Variants in CNTNAP2 observed in about 807,000 individuals in gnomAD.
CNTNAP2 encodes contactin associated protein 2, also known as contactin-associated protein-like 2.
In CNTNAP2, 98 loss-of-function variants were observed where a neutral mutation model predicts 155.2. That is an observed-to-expected ratio of 0.63 (90% CI 0.54 to 0.75). The LOEUF (loss-of-function observed/expected upper bound fraction) is 0.75. Among genes scored for constraint, CNTNAP2 ranks in the 30% least tolerant of loss-of-function variants. The pLI is 0.00. For synonymous variants in CNTNAP2, 651 were observed against 631.2 expected, an observed-to-expected ratio of 1.03 and a Z score of -0.47; for missense variants, 1,727 against 1,688.1, an observed-to-expected ratio of 1.02 and a Z score of -0.40.
At chr7:146,913,174 C>G (rs1386686664) in intron 3 of CNTNAP2, among the ~76,000 whole-genome samples, 1 of 152,110 alleles carries the variant, frequency 6.6e-6, no homozygotes, top group East Asian at 1.9e-4. Context: ...AGCAGCGGGT[C>G]TTTTCAGAAG....
intron 15 of CNTNAP2, among the ~76,000 whole-genome samples, chr7:148,045,441 G>A (rs932734167): frequency 7.4e-5 from 11 of 147,670 alleles, no homozygotes; most frequent in East Asian, 2.0e-4. Context: ...GGTCTTGGGC[G>A]TGAGTCAGGT....
chr7:147,448,102 A>G (rs753695174), intron 10 of CNTNAP2, among the ~76,000 whole-genome samples: 2 of 152,160 alleles, frequency 1.3e-5, no homozygotes, highest in Non-Finnish European at 2.9e-5. Context: ...GAATTCAATG[A>G]CACAACTGAT....
At chr7:146,701,958 C>G (rs184913350) in intron 1 of CNTNAP2, among the ~76,000 whole-genome samples, 2 of 152,168 alleles carry the variant, frequency 1.3e-5, no homozygotes, top group East Asian at 3.9e-4. Context: ...AAGGAAGTTA[C>G]AACAATGAGG....
intron 13 of CNTNAP2, among the ~76,000 whole-genome samples, chr7:147,893,904 T>C (rs933730002): frequency 6.6e-6 from 1 of 152,122 alleles, no homozygotes; most frequent in Non-Finnish European, 1.5e-5. Flanking sequence ...TTCCAGTCCC[T>C]GGGGGAGGGG....
intron 1 of CNTNAP2, among the ~76,000 whole-genome samples, chr7:146,753,151 G>T (rs1402298041): frequency 1.3e-5 from 2 of 151,934 alleles, no homozygotes; most frequent in African/African-American, 4.8e-5. Flanking sequence ...GCATTGTTAT[G>T]CAATCTAAGA....
At chr7:148,038,837 T>TGGATGGAA (rs1802618213) in intron 15 of CNTNAP2, among the ~76,000 whole-genome samples, 2 of 151,298 alleles carry the variant, frequency 1.3e-5, no homozygotes, top group African/African-American at 4.9e-5. Flanking sequence ...GATGGATGGA[T>TGGATGGAA]GGATGGATGG....
intron 3 of CNTNAP2, among the ~76,000 whole-genome samples, chr7:146,912,032 G>A (rs1390831377): frequency 1.3e-5 from 2 of 151,748 alleles, no homozygotes; most frequent in East Asian, 3.9e-4. Flanking sequence ...ATGTGGTACA[G>A]TATACAATCC....
chr7:146,828,054 T>C (rs1803440550), intron 2 of CNTNAP2, among the ~76,000 whole-genome samples: 1 of 152,098 alleles, frequency 6.6e-6, no homozygotes, highest in Non-Finnish European at 1.5e-5. Context: ...ATAAATTGGA[T>C]TCTCAAGTAT....
At chr7:146,730,867 C>A (rs1156356568) in intron 1 of CNTNAP2, among the ~76,000 whole-genome samples, 3 of 152,294 alleles carry the variant, frequency 2.0e-5, no homozygotes, top group African/African-American at 7.2e-5. Context: ...ATGGTTACCA[C>A]ATTGATGAAT....
At chr7:146,689,192 G>T (rs895084352) in intron 1 of CNTNAP2, among the ~76,000 whole-genome samples, 12 of 151,966 alleles carry the variant, frequency 7.9e-5, no homozygotes, top group African/African-American at 2.9e-4. Context: ...GGGTAACCTT[G>T]AGTAAATTAC....
At chr7:147,627,167 G>T (rs1794995796) in intron 12 of CNTNAP2, among the ~76,000 whole-genome samples, 1 of 152,158 alleles carries the variant, frequency 6.6e-6, no homozygotes, top group Admixed American at 6.5e-5. Flanking sequence ...AATCTGAACA[G>T]CAGATGTTGA....
chr7:146,623,592 G>C (rs1011167276), intron 1 of CNTNAP2, among the ~76,000 whole-genome samples: 1 of 152,122 alleles, frequency 6.6e-6, no homozygotes, highest in Non-Finnish European at 1.5e-5. Flanking sequence ...TCTTTGCATG[G>C]CTTTTAGCTT....
At chr7:146,385,273 T>C (rs1170517290) in intron 1 of CNTNAP2, among the ~76,000 whole-genome samples, 2 of 152,170 alleles carry the variant, frequency 1.3e-5, no homozygotes, top group Non-Finnish European at 2.9e-5. Context: ...CTAAAGGGCT[T>C]GCCTAGGGAT....
intron 10 of CNTNAP2, among the ~76,000 whole-genome samples, chr7:147,397,295 TAGC>T (rs1463065018): frequency 2.0e-5 from 3 of 152,082 alleles, no homozygotes; most frequent in Non-Finnish European, 4.4e-5. Flanking sequence ...CTAGAGCAAG[TAGC>T]AGCAATAATC....
At chr7:147,531,033 A>T (rs58182591) in intron 11 of CNTNAP2, among the ~76,000 whole-genome samples, 1 of 152,070 alleles carries the variant, frequency 6.6e-6, no homozygotes, top group African/African-American at 2.4e-5. Flanking sequence ...TAAAGCTCCA[A>T]AATGATCTCC....
At chr7:148,359,729 T>C (rs1190571227) in intron 21 of CNTNAP2, among the ~76,000 whole-genome samples, 1 of 152,200 alleles carries the variant, frequency 6.6e-6, no homozygotes, top group African/African-American at 2.4e-5. Context: ...CTGTATAAAT[T>C]TTAACAGCAG....
intron 1 of CNTNAP2, among the ~76,000 whole-genome samples, chr7:146,538,347 G>A (rs1797901447): frequency 6.6e-6 from 1 of 152,016 alleles, no homozygotes; most frequent in Non-Finnish European, 1.5e-5. Flanking sequence ...TGTGGGTCTG[G>A]CTCTGCTCAC....
chr7:147,467,437 GA>G (rs1306240496), intron 10 of CNTNAP2, among the ~76,000 whole-genome samples: 1 of 152,102 alleles, frequency 6.6e-6, no homozygotes, highest in Non-Finnish European at 1.5e-5. Flanking sequence ...GAAATAAACA[GA>G]AAATCAAATA....
chr7:148,197,727 G>A (rs1488206510), intron 18 of CNTNAP2, among the ~76,000 whole-genome samples: 1 of 152,194 alleles, frequency 6.6e-6, no homozygotes, highest in South Asian at 2.1e-4. Flanking sequence ...CCCTCTGACA[G>A]CTCCTAGAAT....
Sources: gnomAD v4.1 joint callset for allele counts (sites outside exome capture counted in the v4.1 genomes callset) on GRCh38, gnomAD v4.1.1 for gene constraint, MANE v1.5 for transcripts, NCBI Gene and HGNC (gene_info 2026-07-23, HGNC 2026-07-21) for gene names.